The following TRPC5 variants were observed in gnomAD, a reference collection of about 807,000 sequenced individuals.
TRPC5 encodes transient receptor potential cation channel subfamily C member 5.
Under a neutral mutation model 56.5 loss-of-function variants are expected in TRPC5, and 9 were observed. The observed-to-expected ratio is 0.16, with a 90% CI of 0.10 to 0.28. TRPC5 has a LOEUF of 0.28. Ranked by LOEUF, TRPC5 falls within the 10% of genes least tolerant of loss-of-function variation. TRPC5 has a pLI of 1.00. For synonymous variants in TRPC5, 282 were observed against 278.5 expected (o/e 1.01, Z -0.13); for missense variants, 469 against 748.9 (o/e 0.63, Z 4.36).
intron 3 of TRPC5, among the ~76,000 whole-genome samples, chrX:111,877,396 GT>G (rs1470998968): frequency 7.1e-4 from 79 of 111,640 alleles, no homozygotes; most frequent in African/African-American, 2.5e-3. Context: ...GTTCATTTTA[GT>G]TGTGGTGACT....
chrX:111,992,466 A>G (rs1928380989), intron 1 of TRPC5, among the ~76,000 whole-genome samples: 1 of 111,635 alleles, frequency 9.0e-6, no homozygotes, highest in Non-Finnish European at 1.9e-5. Flanking sequence ...CCAGTGGCTA[A>G]GATAACTGAC....
intron 1 of TRPC5, among the ~76,000 whole-genome samples, chrX:112,028,588 G>A (rs1055228340): frequency 2.7e-5 from 3 of 111,490 alleles, no homozygotes; most frequent in Non-Finnish European, 3.8e-5. Context: ...ATCCATGTCC[G>A]TACAAAGGAC....
At chrX:111,781,411 G>A (rs1945919082) in intron 8 of TRPC5, among the ~76,000 whole-genome samples, 1 of 112,092 alleles carries the variant, frequency 8.9e-6, no homozygotes, top group Non-Finnish European at 1.9e-5. Flanking sequence ...GGGACGGGAG[G>A]AAACAGTTTT....
intron 3 of TRPC5, among the ~76,000 whole-genome samples, chrX:111,906,539 A>G (rs1418338027): frequency 9.0e-6 from 1 of 111,531 alleles, no homozygotes; most frequent in Non-Finnish European, 1.9e-5. Context: ...TAATGTAGGC[A>G]AACCCCCAAC....
At chrX:112,040,927 A>G (rs1246133774) in intron 1 of TRPC5, among the ~76,000 whole-genome samples, 5 of 112,274 alleles carry the variant, frequency 4.5e-5, no homozygotes, top group African/African-American at 1.6e-4. Context: ...CGTGTTAAAG[A>G]CAACATTATC....
chrX:111,908,919 C>CTGAGGCCAGGAGTT (rs747112501), intron 3 of TRPC5, among the ~76,000 whole-genome samples: 5 of 110,144 alleles, frequency 4.5e-5, no homozygotes, highest in African/African-American at 1.7e-4. Flanking sequence ...GGAAGATCAC[C>CTGAGGCCAGGAGTT]TGAGGCCAGG....
At chrX:112,045,738 G>A (rs1424872615) in intron 1 of TRPC5, among the ~76,000 whole-genome samples, 1 of 111,908 alleles carries the variant, frequency 8.9e-6, no homozygotes, top group Non-Finnish European at 1.9e-5. Context: ...GTCAATGGAG[G>A]CAGTTAAGGG....
chrX:111,847,467 G>C, intron 5 of TRPC5, 31 bp from the exon 6 acceptor site: 1 of 1,145,028 alleles, frequency 8.7e-7, no homozygotes, highest in Non-Finnish European at 1.2e-6. Context: ...ACAAGATGAG[G>C]GGTACAGTGA....
chrX:111,776,886 A>G lies in TRPC5; in HGVS notation c.2349T>C (p.Asn783=), dbSNP rs1031579083. ...SSTELSQRDD[N]NDGSGGARAK... is the part of the protein sequence containing the mutation. ...CCCGAGCCCCACCACTGCCATCATT[A>G]TTATCGTCTCTCTGAGACAGTTCAG... The change falls in exon 11 of 11, where the codon AAT becomes AAC. Residue 783 remains asparagine, a synonymous_variant. Transcript: ENST00000262839. 4 of 1,209,724 alleles carry G rather than the reference A, an allele frequency of 3.3e-6. No homozygotes were observed. Among genetic ancestry groups the G allele is most frequent in the East Asian group, 5.9e-5 (2 of 33,750 alleles).
chrX:111,882,351 T>G (rs1400987048), intron 3 of TRPC5, among the ~76,000 whole-genome samples: 1 of 112,180 alleles, frequency 8.9e-6, no homozygotes, highest in Non-Finnish European at 1.9e-5. Flanking sequence ...TATGGTAAGG[T>G]AGGGGTCTTG....
chrX:111,859,515 G>A (rs932844088), intron 3 of TRPC5, among the ~76,000 whole-genome samples: 2 of 112,075 alleles, frequency 1.8e-5, no homozygotes, highest in Non-Finnish European at 3.8e-5. Flanking sequence ...TATATAGAAG[G>A]AATTTGAGAT....
At chrX:112,006,504 G>A (rs1355572497) in intron 1 of TRPC5, among the ~76,000 whole-genome samples, 2 of 111,321 alleles carry the variant, frequency 1.8e-5, no homozygotes, top group African/African-American at 6.5e-5. Flanking sequence ...GGTTCAGAGA[G>A]GCTACGGAAT....
At chrX:112,070,683 G>A (rs2147745830) in intron 1 of TRPC5, among the ~76,000 whole-genome samples, 1 of 109,918 alleles carries the variant, frequency 9.1e-6, no homozygotes, top group South Asian at 3.9e-4. Context: ...TTTCCTCCTA[G>A]ATTCTCAATC....
At chrX:111,813,014 T>C (rs1020506761) in intron 7 of TRPC5, among the ~76,000 whole-genome samples, 3 of 112,307 alleles carry the variant, frequency 2.7e-5, no homozygotes, top group Non-Finnish European at 5.6e-5. Flanking sequence ...CCTTATCTGA[T>C]AGACAAATTG....
chrX:111,844,587 T>A (rs752783976), intron 6 of TRPC5, among the ~76,000 whole-genome samples: 4 of 106,954 alleles, frequency 3.7e-5, no homozygotes, highest in African/African-American at 1.4e-4. Flanking sequence ...TGCCTCAGCC[T>A]CCCAAGTAGC....
chrX:111,796,373 C>T, intron 7 of TRPC5, among the ~76,000 whole-genome samples: 1 of 111,481 alleles, frequency 9.0e-6, no homozygotes, highest in Non-Finnish European at 1.9e-5. Context: ...ATATTTCTTT[C>T]CTGTATATGG....
At chrX:111,883,132 C>T (rs760488538) in intron 3 of TRPC5, among the ~76,000 whole-genome samples, 2 of 110,933 alleles carry the variant, frequency 1.8e-5, no homozygotes, top group Admixed American at 1.9e-4. Context: ...AGCCTACTTC[C>T]GGTCTAGATT....
intron 3 of TRPC5, among the ~76,000 whole-genome samples, chrX:111,907,451 C>T (rs1393548728): frequency 9.1e-6 from 1 of 109,622 alleles, no homozygotes; most frequent in African/African-American, 3.3e-5. Context: ...CATGGTAAAA[C>T]CTGTCTCTAC....
At chrX:112,072,993 T>C (rs1930751088) in intron 1 of TRPC5, among the ~76,000 whole-genome samples, 1 of 112,264 alleles carries the variant, frequency 8.9e-6, no homozygotes, top group African/African-American at 3.2e-5. Flanking sequence ...AAACTGATAA[T>C]TTATATTTTA....
Sources: allele counts gnomAD v4.1 joint callset (sites outside exome capture counted in the v4.1 genomes callset), GRCh38; gene constraint gnomAD v4.1.1; transcripts MANE v1.5; gene names NCBI Gene and HGNC (gene_info 2026-07-23, HGNC 2026-07-21).